AGBL1: variants seen among roughly 807,000 people sequenced by gnomAD.
AGBL1 encodes the protein AGBL carboxypeptidase 1.
In AGBL1, 130 loss-of-function variants were observed where a neutral mutation model predicts 118.9. The observed-to-expected ratio is 1.09, with a 90% CI of 0.95 to 1.26. AGBL1 has a LOEUF of 1.26. Ranked by LOEUF, AGBL1 falls within the 50% of genes most tolerant of loss-of-function variation. The probability of loss-of-function intolerance (pLI) is 0.00; values close to 1 mark genes in which losing one functional copy is unlikely to be tolerated. For synonymous variants in AGBL1, 555 were observed against 478.9 expected, an observed-to-expected ratio of 1.16 and a Z score of -2.08; for missense variants, 1,584 against 1,298.1, an observed-to-expected ratio of 1.22 and a Z score of -3.38.
intron 22 of AGBL1, 25 bp downstream of exon 22, chr15:86,674,461 G>A: frequency 1.3e-6 from 2 of 1,589,266 alleles, no homozygotes; most frequent in African/African-American, 2.7e-5. Context: ...AGGGCTCAGA[G>A]AAATTTGGAC....
chr15:86,824,569 T>C (rs202127012), intron 22 of AGBL1, among the ~76,000 whole-genome samples: 1 of 143,074 alleles, frequency 7.0e-6, no homozygotes, highest in Non-Finnish European at 1.5e-5. Context: ...TTTTTTTTTT[T>C]CATGAACACA....
chr15:86,486,215 C>T (rs2082711020), intron 18 of AGBL1, among the ~76,000 whole-genome samples: 1 of 152,064 alleles, frequency 6.6e-6, no homozygotes, highest in Non-Finnish European at 1.5e-5. Flanking sequence ...CTCTATAAGG[C>T]TTCATGATTC....
chr15:86,798,097 G>A (rs2078598779), intron 22 of AGBL1, among the ~76,000 whole-genome samples: 1 of 152,204 alleles, frequency 6.6e-6, no homozygotes, highest in Non-Finnish European at 1.5e-5. Context: ...GGCTGTCACT[G>A]CAGTCCCTTG....
intron 1 of AGBL1, among the ~76,000 whole-genome samples, chr15:86,094,198 G>A (rs1353574): frequency 1.3e-5 from 2 of 152,146 alleles, no homozygotes; most frequent in African/African-American, 2.4e-5. Flanking sequence ...TCATTTATAA[G>A]CTTGTGATTA....
intron 18 of AGBL1, among the ~76,000 whole-genome samples, chr15:86,438,221 T>A (rs2082021984): frequency 1.3e-5 from 2 of 152,136 alleles, no homozygotes; most frequent in South Asian, 2.1e-4. Flanking sequence ...TCAGTTTTTT[T>A]ATAAAGTGGT....
intron 15 of AGBL1, among the ~76,000 whole-genome samples, chr15:86,276,079 T>C (rs7166834): frequency 0.01 from 1,592 of 152,294 alleles, 38 homozygotes; most frequent in African/African-American, 0.034. Flanking sequence ...AGTAAAAACA[T>C]CTTAGTGGCA....
chr15:86,153,717 C>G (rs1293942438), intron 3 of AGBL1, among the ~76,000 whole-genome samples: 1 of 152,112 alleles, frequency 6.6e-6, no homozygotes, highest in Non-Finnish European at 1.5e-5. Context: ...TGTCTTTTGA[C>G]TTTTTATTAT....
chr15:86,156,479 T>A (rs758927660), intron 4 of AGBL1, among the ~76,000 whole-genome samples: 1 of 152,190 alleles, frequency 6.6e-6, no homozygotes, highest in Non-Finnish European at 1.5e-5. Flanking sequence ...TATCTCCAGA[T>A]ACAGTCCTAC....
At chr15:86,238,847 G>T (rs556254689) in intron 6 of AGBL1, among the ~76,000 whole-genome samples, 4 of 152,160 alleles carry the variant, frequency 2.6e-5, no homozygotes, top group South Asian at 4.2e-4. Flanking sequence ...AGAGATGGGG[G>T]TCTCACTCTG....
chr15:86,841,052 C>A (rs966536695), intron 22 of AGBL1, among the ~76,000 whole-genome samples: 1 of 152,156 alleles, frequency 6.6e-6, no homozygotes, highest in Non-Finnish European at 1.5e-5. Context: ...TCCCTACCAT[C>A]AGAAGGTTCT....
At chr15:86,906,154 T>C (rs1448250292) in intron 22 of AGBL1, among the ~76,000 whole-genome samples, 2 of 152,246 alleles carry the variant, frequency 1.3e-5, no homozygotes, top group Non-Finnish European at 2.9e-5. Context: ...GCTTGCCTTC[T>C]ATAAATCACA....
intron 22 of AGBL1, among the ~76,000 whole-genome samples, chr15:86,849,340 G>A (rs913793380): frequency 4.6e-5 from 7 of 152,264 alleles, no homozygotes; most frequent in East Asian, 3.9e-4. Context: ...TGCTATGCAC[G>A]CTGGGATCAC....
intron 7 of AGBL1, 104 bp from the exon 8 acceptor site, chr15:86,256,749 A>T: frequency 1.8e-6 from 2 of 1,135,622 alleles, no homozygotes; most frequent in Non-Finnish European, 2.5e-6. Flanking sequence ...AAACACAGCT[A>T]GGAGACTGTG....
chr15:86,309,525 T>C (rs1271655878), intron 17 of AGBL1, among the ~76,000 whole-genome samples: 2 of 152,222 alleles, frequency 1.3e-5, no homozygotes, highest in African/African-American at 4.8e-5. Flanking sequence ...TCTTTGAGTA[T>C]GTATTTAGCT....
chr15:86,319,389 T>G (rs1272847045), intron 17 of AGBL1, among the ~76,000 whole-genome samples: 1 of 152,192 alleles, frequency 6.6e-6, no homozygotes, highest in African/African-American at 2.4e-5. Flanking sequence ...TAATTGGCAT[T>G]TTTTTGATAA....
At chr15:86,965,463 C>T (rs984234651) in intron 23 of AGBL1, among the ~76,000 whole-genome samples, 1 of 151,976 alleles carries the variant, frequency 6.6e-6, no homozygotes, top group African/African-American at 2.4e-5. Context: ...ATATCCTTTG[C>T]CCACTTTTTG....
intron 22 of AGBL1, among the ~76,000 whole-genome samples, chr15:86,893,073 A>G (rs1023240942): frequency 3.9e-5 from 6 of 152,128 alleles, no homozygotes; most frequent in African/African-American, 1.2e-4. Context: ...TCGGGGACTC[A>G]CTCACCCAGG....
intron 22 of AGBL1, among the ~76,000 whole-genome samples, chr15:86,853,490 A>T (rs2141463763): frequency 6.6e-6 from 1 of 152,314 alleles, no homozygotes; most frequent in Admixed American, 6.5e-5. Flanking sequence ...GAAGAAATTG[A>T]TCTTTAAAGA....
intron 17 of AGBL1, among the ~76,000 whole-genome samples, chr15:86,307,949 A>G (rs1006616253): frequency 1.3e-5 from 2 of 152,172 alleles, no homozygotes; most frequent in Non-Finnish European, 1.5e-5. Context: ...CCTCAGAGTA[A>G]CTACCATCCT....
Sources: allele counts gnomAD v4.1 joint callset (sites outside exome capture counted in the v4.1 genomes callset), GRCh38; gene constraint gnomAD v4.1.1; transcripts MANE v1.5; gene names NCBI Gene and HGNC (gene_info 2026-07-23, HGNC 2026-07-21).